Variants in USP42 observed in about 807,000 individuals in gnomAD.
The protein encoded by USP42 is ubiquitin carboxyl-terminal hydrolase 42.
USP42 carries 23 observed loss-of-function variants against 113.0 expected under a neutral mutation model. The ratio of observed to expected loss-of-function variants is 0.20; its 90% CI spans 0.15 to 0.29. USP42 has a LOEUF of 0.29. Ranked by LOEUF, USP42 falls within the 10% of genes least tolerant of loss-of-function variation. The pLI is 1.00. For missense variants in USP42, 2,174 were observed against 1,779.8 expected (o/e 1.22, Z -3.99); for synonymous variants, 933 against 699.0 (o/e 1.33, Z -5.28).
intron 3 of USP42, among the ~76,000 whole-genome samples, chr7:6,131,398 T>C (rs1178422095): frequency 1.3e-5 from 2 of 151,718 alleles, no homozygotes; most frequent in Non-Finnish European, 2.9e-5. Context: ...ACCTGAGCCT[T>C]GGGAGGTAGA....
In USP42 at chr7:6,154,758, G is replaced by T. The variant is rs1308962848; in HGVS notation, c.3204G>T (p.Leu1068=). 1.3e-6 allele frequency: 2 copies of T among 1,561,286 alleles called. No individual in the cohort carries two copies. Among genetic ancestry groups the T allele is most frequent in the East Asian group, 2.4e-5 (1 of 41,544 alleles). The change falls in exon 15 of 18, where the codon CTG becomes CTT. Residue 1068 remains leucine, a synonymous_variant. Coordinates refer to ENST00000306177, the MANE Select transcript of USP42 (RefSeq NM_032172.3). ...GGTACTACCATGACAGGTACGCCCT[G>T]TACGCTGCCCGGGACTGGAAGCCCT... ...RCRYYHDRYA[L]YAARDWKPFH... is the part of the protein sequence containing the mutation.
chr7:6,093,849 A>G, the USP42 span, among the ~76,000 whole-genome samples: 6 of 150,838 alleles, frequency 4.0e-5, 1 homozygote, highest in African/African-American at 9.9e-5. Context: ...GACCTTGTTC[A>G]TGTTTGCTCT....
Position 6,135,960 on chromosome 7 carries a change from T to C in USP42, c.553+9T>C. On this transcript the variant is annotated intron_variant, in intron 4 of 17. Coordinates refer to ENST00000306177, the MANE Select transcript of USP42 (RefSeq NM_032172.3). ...CATCAATGAGATGCGGCGTAAGTAT[T>C]AACTATTGTAGTTTTATATTTGTAT... 6.6e-7 allele frequency: 1 copy of C among 1,520,146 alleles called. No individual in the cohort carries two copies. The highest frequency in any genetic ancestry group is 9.0e-7 in the Non-Finnish European group (1 of 1,116,438). 94.2% of individuals were successfully genotyped at this position (1,520,146 alleles called of 1,614,324 possible).
intron 3 of USP42, among the ~76,000 whole-genome samples, chr7:6,117,559 T>G (rs1030295202): frequency 6.6e-6 from 1 of 152,238 alleles, no homozygotes; most frequent in Admixed American, 6.5e-5. Flanking sequence ...GGTAAATATC[T>G]AGGAGTAAAA....
intron 12 of USP42, among the ~76,000 whole-genome samples, chr7:6,149,232 T>C (rs150464765): frequency 1.2e-3 from 182 of 152,264 alleles, no homozygotes; most frequent in Non-Finnish European, 2.0e-3. Flanking sequence ...CCTGGCACTC[T>C]GCATCAGCGA....
upstream of USP42, among the ~76,000 whole-genome samples, chr7:6,103,340 C>A (rs570228138): frequency 6.0e-5 from 9 of 150,630 alleles, 2 homozygotes; most frequent in African/African-American, 2.2e-4. Context: ...AGTTCGAGAC[C>A]AGCCTGACCA....
At chr7:6,156,560 C>T (rs144498762) in intron 15 of USP42, among the ~76,000 whole-genome samples, 194 bp from the exon 16 acceptor site, 1 of 152,146 alleles carries the variant, frequency 6.6e-6, no homozygotes, top group South Asian at 2.1e-4. Flanking sequence ...AGTGATCCTC[C>T]TGCTTCAGCC....
At chr7:6,137,191 C>G (rs184980412) in intron 4 of USP42, among the ~76,000 whole-genome samples, 54 of 152,290 alleles carry the variant, frequency 3.5e-4, no homozygotes, top group African/African-American at 1.2e-3. Flanking sequence ...CAGTAACAAA[C>G]TGTAATCTTT....
Position 6,154,636 on chromosome 7 carries a change from G to C in USP42, c.3082G>C (p.Val1028Leu). 6.2e-7 allele frequency: 1 copy of C among 1,603,746 alleles called. No homozygotes were observed. Among genetic ancestry groups the C allele is most frequent in the Non-Finnish European group, 8.5e-7 (1 of 1,176,352 alleles). ...CCACCACTCCCGACACCGGAGCGGG[G>C]TGGAGCTGGACTGGGTCAGACACCA... ...SHHHSRHRSG[V>L]ELDWVRHHYT... The change falls in exon 15 of 18, where the codon GTG (valine) becomes CTG (leucine). Residue 1028 changes from valine to leucine, a missense_variant. Transcript: ENST00000306177.
chr7:6,110,014 C>T (rs1042698932), intron 1 of USP42, among the ~76,000 whole-genome samples: 23 of 150,550 alleles, frequency 1.5e-4, no homozygotes, highest in African/African-American at 5.4e-4. Context: ...TTTTGTTTTT[C>T]GTAGAGACAG....
Position 6,150,445 on chromosome 7 carries a change from G to A in USP42, c.2140G>A (p.Asp714Asn). 1 of 1,613,936 alleles carries A rather than the reference G, an allele frequency of 6.2e-7. No individual in the cohort carries two copies. The highest frequency in any genetic ancestry group is 1.7e-5 in the Admixed American group (1 of 60,002). The change falls in exon 14 of 18, where the codon GAC becomes AAC. Residue 714 changes from aspartate (D) to asparagine (N), a missense_variant. Asp to Asn is a conservative substitution (Grantham distance 23). Coordinates refer to ENST00000306177, the MANE Select transcript of USP42 (RefSeq NM_032172.3). ...MPAPLLSLPE[D>N]KILETFRLSN... ...TGCTCCTTTGCTGTCTCTCCCAGAA[G>A]ACAAAATCTTAGAGACCTTCAGGCT...
intron 1 of USP42, among the ~76,000 whole-genome samples, chr7:6,109,245 AG>A (rs1779459314): frequency 6.6e-6 from 1 of 152,152 alleles, no homozygotes; most frequent in South Asian, 2.1e-4. Flanking sequence ...CAGGGACAAA[AG>A]AAAAAAAAAC....
chr7:6,142,949 C>T lies in USP42; in HGVS notation c.813C>T (p.Asn271=), dbSNP rs1562838116. 2 of 1,613,944 alleles carry T rather than the reference C, an allele frequency of 1.2e-6. No homozygotes were observed. Among genetic ancestry groups the T allele is most frequent in the Non-Finnish European group, 1.7e-6 (2 of 1,179,866 alleles). ...TLEIKAAQSV[N]KALEQFVKPE... ...CTTCCCAGGCTGCTCAGAGTGTCAA[C>T]AAGGCATTGGAGCAGTTTGTGAAGC... Residue 271 remains asparagine, a synonymous_variant, in exon 8 of 18, where the codon AAC becomes AAT. Coordinates refer to ENST00000306177, the MANE Select transcript of USP42 (RefSeq NM_032172.3).
In USP42 at chr7:6,149,783, G is replaced by C. The variant is rs764409118; in HGVS notation, c.1587G>C (p.Lys529Asn). The part of the protein sequence containing the change: ...KQKITISIHN[K>N]LPVRQCQSQP... ...AAATTACAATCAGTATTCACAACAA[G>C]TTGCCTGTTCGCCAGTGTCAGTCTC... The change falls in exon 13 of 18, where the codon AAG becomes AAC. Residue 529 changes from lysine (K) to asparagine (N), a missense_variant. Coordinates refer to ENST00000306177, the MANE Select transcript of USP42 (RefSeq NM_032172.3). The C allele has an allele frequency of 3.1e-6, 5 of 1,614,006 alleles. No homozygotes were observed. Among genetic ancestry groups the C allele is most frequent in the Non-Finnish European group, 4.2e-6 (5 of 1,179,906 alleles).
At chr7:6,131,172 C>A (rs1327681950) in intron 3 of USP42, among the ~76,000 whole-genome samples, 1 of 152,130 alleles carries the variant, frequency 6.6e-6, no homozygotes, top group African/African-American at 2.4e-5. Context: ...CAGCCTCTCC[C>A]CAGCCAGAAA....
At position 6,154,515 on chromosome 7, in the gene USP42, G is replaced by T; in HGVS notation, c.2961G>T (p.Glu987Asp). 1 of 1,541,288 alleles carries T rather than the reference G, an allele frequency of 6.5e-7. No individual in the cohort carries two copies. Among genetic ancestry groups the T allele is most frequent in the Non-Finnish European group, 8.7e-7 (1 of 1,143,756 alleles). The change falls in exon 15 of 18, where the codon GAG becomes GAT. Residue 987 changes from glutamate to aspartate, a missense_variant. Glu to Asp is a conservative substitution (Grantham distance 45). Transcript: ENST00000306177. ...RHRRRRTCPRERDRQDRHAPE... is the reference protein window; with the variant it reads ...RHRRRRTCPRDRDRQDRHAPE... ...GGCGGCGCCGCACCTGCCCCCGGGA[G>T]CGCGACCGCCAGGACCGCCACGCCC...
intron 12 of USP42, among the ~76,000 whole-genome samples, chr7:6,148,889 C>T (rs946099223): frequency 6.6e-6 from 1 of 152,196 alleles, no homozygotes; most frequent in Non-Finnish European, 1.5e-5. Context: ...AGGGCATGTG[C>T]CCTGTAGGAA....
Position 6,154,275 on chromosome 7 carries a change from C to G in USP42, c.2721C>G (p.Ala907=), listed in dbSNP as rs1378867723. ...CGCCAGCTCCTGTGCTGGACATGGC[C>G]CCGGCCGGTCACCCGGAAGGGGACG... ...ERPPAPVLDM[A]PAGHPEGDAE... Residue 907 remains alanine, a synonymous_variant, in exon 15 of 18, where the codon GCC becomes GCG. Coordinates refer to ENST00000306177, the MANE Select transcript of USP42 (RefSeq NM_032172.3). 6.3e-7 allele frequency: 1 copy of G among 1,596,598 alleles called. No individual in the cohort carries two copies. The highest frequency in any genetic ancestry group is 8.5e-7 in the Non-Finnish European group (1 of 1,172,716).
At position 6,156,976 on chromosome 7, in the gene USP42, C is replaced by T. The variant is rs771465577; in HGVS notation, c.3864C>T (p.Val1288=). The T allele has an allele frequency of 9.3e-6, 15 of 1,613,474 alleles. No individual in the cohort carries two copies. In the East Asian group the frequency reaches 1.6e-4, roughly 17 times the overall value. The change falls in exon 16 of 18, where the codon GTC becomes GTT. Residue 1288 remains valine, a synonymous_variant. Coordinates refer to ENST00000306177, the MANE Select transcript of USP42 (RefSeq NM_032172.3). The part of the protein sequence containing the change: ...PLSGGPPLEG[V]GPFREKTKHL... ...CTGGTGGCCCGCCTCTGGAAGGCGT[C>T]GGACCTTTCCGTGAGAAAACGAAAC...
Sources: allele counts gnomAD v4.1 joint callset (sites outside exome capture counted in the v4.1 genomes callset), GRCh38; gene constraint gnomAD v4.1.1; transcripts MANE v1.5; gene names NCBI Gene and HGNC (gene_info 2026-07-23, HGNC 2026-07-21).